DYNC2H1: variants seen among roughly 807,000 people sequenced by gnomAD.
DYNC2H1 encodes cytoplasmic dynein 2 heavy chain 1.
A neutral mutation model predicts 570.0 loss-of-function variants in DYNC2H1; 410 were observed. That is an observed-to-expected ratio of 0.72 (90% CI 0.66 to 0.78). The LOEUF is 0.78. Among genes scored for constraint, DYNC2H1 ranks in the 30% least tolerant of loss-of-function variants. DYNC2H1 has a pLI of 0.00. For missense variants in DYNC2H1, 4,865 were observed against 5,046.4 expected (o/e 0.96, Z 1.09); for synonymous variants, 1,688 against 1,677.6 (o/e 1.01, Z -0.15).
Position 103,254,574 on chromosome 11 carries a change from G to A in DYNC2H1, c.10207-841G>A, listed in dbSNP as rs932328212. 6.6e-6 allele frequency among the ~76,000 whole-genome samples: 1 copy of A among 151,916 alleles called. No individual in the cohort carries two copies. The highest frequency in any genetic ancestry group is 1.5e-5 in the Non-Finnish European group (1 of 67,980). On this transcript the variant is annotated intron_variant, in intron 66 of 88. Coordinates refer to ENST00000375735, the MANE Select transcript of DYNC2H1 (RefSeq NM_001377.3). This position sits in a 1 kb window ranked among gnomAD's most constrained non-coding sequence, Gnocchi z 4.9. ...GGGTCTTATGGTTACTTTATATTTG[G>A]CAATTTGAGAAACAAATCTTTCCAA... is the stretch of plus-strand genomic sequence containing the variant.
rs1226547446 is a variant in DYNC2H1, at chr11:103,307,865, A to G, written c.11493+34A>G. 4 of 1,292,406 alleles carry G rather than the reference A, an allele frequency of 3.1e-6. No individual in the cohort carries two copies. In the South Asian group the frequency reaches 3.9e-5, roughly 13 times the overall value. 80.1% of individuals were successfully genotyped at this position (1,292,406 alleles called of 1,614,324 possible). A position where few individuals can be genotyped will look rare whatever the true frequency, so the allele number is the denominator to read the frequency against. The stretch of plus-strand genomic sequence containing the variant: ...ATTTAAAACTTGGATCACCAGTTGT[A>G]TGAAAGCAGTACTCTATACATGACT... On this transcript the variant is annotated intron_variant, in intron 78 of 88. Coordinates refer to ENST00000375735, the MANE Select transcript of DYNC2H1 (RefSeq NM_001377.3).
At chr11:103,291,478 G>A (rs1866598693) in intron 75 of DYNC2H1, among the ~76,000 whole-genome samples, 1 of 149,842 alleles carries the variant, frequency 6.7e-6, no homozygotes, top group East Asian at 2.0e-4. Context: ...TTTTTAAAGT[G>A]CATTTTGGTA....
rs1386866404 is a variant in DYNC2H1 at position 103,254,744 on chromosome 11, A to G, written c.10207-671A>G. On this transcript the variant is annotated intron_variant, in intron 66 of 88. Coordinates refer to ENST00000375735, the MANE Select transcript of DYNC2H1 (RefSeq NM_001377.3). The surrounding 1 kb of genome is among the most constrained non-coding windows in gnomAD (Gnocchi z 4.9). ...GTGGTATCTTATTGTGGTTTTGATGACATAGTATTTTATCTTTTTATTTGT... is the reference window on the plus strand; with the variant it reads ...GTGGTATCTTATTGTGGTTTTGATGGCATAGTATTTTATCTTTTTATTTGT... 7.0e-4 allele frequency among the ~76,000 whole-genome samples: 107 copies of G among 151,848 alleles called. No homozygotes were observed. The highest frequency in any genetic ancestry group is 7.0e-3 in the Admixed American group (106 of 15,220).
At chr11:103,251,167 G>C (rs1035891362) in intron 65 of DYNC2H1, among the ~76,000 whole-genome samples, 1 of 151,786 alleles carries the variant, frequency 6.6e-6, no homozygotes, top group South Asian at 2.1e-4. Flanking sequence ...TTTTAGTTCT[G>C]TCAGTTCTTG....
chr11:103,426,447 T>C (rs1447440788), intron 84 of DYNC2H1, among the ~76,000 whole-genome samples: 2 of 152,174 alleles, frequency 1.3e-5, no homozygotes, highest in Non-Finnish European at 2.9e-5. Context: ...AATTAGTTGG[T>C]GGGGGTAGGA....
At chr11:103,214,325 T>G (rs1410967300) in intron 54 of DYNC2H1, among the ~76,000 whole-genome samples, 2 of 152,138 alleles carry the variant, frequency 1.3e-5, no homozygotes, top group African/African-American at 2.4e-5. Flanking sequence ...TTCAAACAAA[T>G]TTTTGGATTT....
chr11:103,195,655 A>C (rs1436880595), intron 47 of DYNC2H1, among the ~76,000 whole-genome samples: 2 of 152,198 alleles, frequency 1.3e-5, no homozygotes, highest in African/African-American at 4.8e-5. Flanking sequence ...TTTTAGAATA[A>C]TCGTTTCTGA....
rs1232361475 is a variant in DYNC2H1, at chr11:103,472,636, G to T, written c.12765+3931G>T. 6.6e-6 allele frequency among the ~76,000 whole-genome samples: 1 copy of T among 152,016 alleles called. No individual in the cohort carries two copies. Among genetic ancestry groups the T allele is most frequent in the East Asian group, 1.9e-4 (1 of 5,178 alleles). ...GCATTAGTGTCCAGACAATCATAGT[G>T]AACATTTATTTGCACTGATTACATA... On this transcript the variant is annotated intron_variant, in intron 88 of 88. Coordinates refer to ENST00000375735, the MANE Select transcript of DYNC2H1 (RefSeq NM_001377.3). The surrounding 1 kb of genome is among the most constrained non-coding windows in gnomAD (Gnocchi z 4.1).
At chr11:103,381,810 T>C (rs1565545038) in intron 83 of DYNC2H1, among the ~76,000 whole-genome samples, 1 of 152,218 alleles carries the variant, frequency 6.6e-6, no homozygotes, top group African/African-American at 2.4e-5. Flanking sequence ...TTAGTGATGT[T>C]AGTGACTATA....
chr11:103,183,864 G>A (rs1017634130), intron 40 of DYNC2H1, among the ~76,000 whole-genome samples: 2 of 151,632 alleles, frequency 1.3e-5, no homozygotes, highest in African/African-American at 4.8e-5. Context: ...TTTTTAAAAT[G>A]TAAACTGGGT....
intron 80 of DYNC2H1, among the ~76,000 whole-genome samples, chr11:103,317,582 C>T (rs1937926608): frequency 6.6e-6 from 1 of 152,178 alleles, no homozygotes; most frequent in Admixed American, 6.5e-5. Flanking sequence ...ATATAATTTT[C>T]CTGTTTAAAA....
Position 103,200,043 on chromosome 11 carries a change from C to T in DYNC2H1, c.8089-3C>T. 1 of 1,568,820 alleles carries T rather than the reference C, an allele frequency of 6.4e-7. No homozygotes were observed. The highest frequency in any genetic ancestry group is 8.7e-7 in the Non-Finnish European group (1 of 1,153,886). Reference sequence around the variant, plus strand: ...CACTAAAAAATATTTTCTGATTTTGCAGGTGCTGCAACTTGCAGGAATTGA... The same window carrying T: ...CACTAAAAAATATTTTCTGATTTTGTAGGTGCTGCAACTTGCAGGAATTGA... On this transcript the variant is annotated splice_polypyrimidine_tract_variant and splice_region_variant and intron_variant, in intron 49 of 88. Coordinates refer to ENST00000375735, the MANE Select transcript of DYNC2H1 (RefSeq NM_001377.3).
intron 36 of DYNC2H1, 128 bp downstream of exon 36, chr11:103,174,298 TCTA>T (rs1489886855): frequency 4.7e-5 from 28 of 596,138 alleles, no homozygotes; most frequent in Middle Eastern, 3.9e-4. Flanking sequence ...TGCCCCAATT[TCTA>T]CTGTTGTTAA....
In DYNC2H1 at chr11:103,120,515, A is replaced by G; in HGVS notation, c.1068A>G (p.Ile356Met). The change falls in exon 7 of 89, where the codon ATA becomes ATG. Residue 356 changes from isoleucine (I) to methionine (M), a missense_variant. Transcript: ENST00000375735. The part of the protein sequence containing the change: ...YFLPASEEKI[I>M]CLTRVFEPFT... ...TACCTGCCAGTGAAGAGAAAATCAT[A>G]TGCCTCACTCGAGTATTTGAACCTT... 1.2e-6 allele frequency: 2 copies of G among 1,613,186 alleles called. No homozygotes were observed. Among genetic ancestry groups the G allele is most frequent in the East Asian group, 2.2e-5 (1 of 44,792 alleles).
intron 83 of DYNC2H1, among the ~76,000 whole-genome samples, chr11:103,374,783 G>A (rs750823769): frequency 6.6e-6 from 1 of 152,140 alleles, no homozygotes; most frequent in South Asian, 2.1e-4. Flanking sequence ...TTTCTAAACA[G>A]CAAAGCATTC....
At chr11:103,450,336 G>A (rs1944556111) in intron 85 of DYNC2H1, among the ~76,000 whole-genome samples, 1 of 152,164 alleles carries the variant, frequency 6.6e-6, no homozygotes, top group African/African-American at 2.4e-5. Context: ...AAAGACTTGA[G>A]TAACACTATT....
rs1025844692 is a variant in DYNC2H1 at position 103,205,283 on chromosome 11, A to G, written c.8454+319A>G. On this transcript the variant is annotated intron_variant, in intron 52 of 88. Coordinates refer to ENST00000375735, the MANE Select transcript of DYNC2H1 (RefSeq NM_001377.3). The surrounding 1 kb of genome is among the most constrained non-coding windows in gnomAD (Gnocchi z 4.5). ...CATAGCAAGTATTTAACAATTAAAG[A>G]ATTTTTAAATCCTTAAAAAATATCA... Among the ~76,000 whole-genome samples, 1 of 152,190 alleles carries G rather than the reference A, an allele frequency of 6.6e-6. No individual in the cohort carries two copies. The highest frequency in any genetic ancestry group is 1.5e-5 in the Non-Finnish European group (1 of 68,028).
intron 17 of DYNC2H1, among the ~76,000 whole-genome samples, chr11:103,137,209 G>A (rs1324959017): frequency 6.7e-6 from 1 of 148,644 alleles, no homozygotes; most frequent in African/African-American, 2.5e-5. Flanking sequence ...TTCTTTTGCT[G>A]TGCAGAAGCT....
In DYNC2H1 at chr11:103,363,908, C is replaced by T. The variant is rs1940772992; in HGVS notation, c.12156+5549C>T. On this transcript the variant is annotated intron_variant, in intron 83 of 88. Transcript: ENST00000375735. This position sits in a 1 kb window ranked among gnomAD's most constrained non-coding sequence, Gnocchi z 5.6. ...TCATGGAGCCAAGGACTCACAAAAA[C>T]TCATGACAGATAGCATTATGACTTC... 6.6e-6 allele frequency among the ~76,000 whole-genome samples: 1 copy of T among 152,118 alleles called. No individual in the cohort carries two copies. The highest frequency in any genetic ancestry group is 2.4e-5 in the African/African-American group (1 of 41,412).
Sources: gnomAD v4.1 joint callset for allele counts (sites outside exome capture counted in the v4.1 genomes callset) on GRCh38, gnomAD v4.1.1 for gene constraint, Gnocchi (gnomAD v3.1) non-coding constraint, MANE v1.5 for transcripts, NCBI Gene and HGNC (gene_info 2026-07-23, HGNC 2026-07-21) for gene names.